Variants in COPB1 observed in about 807,000 individuals in gnomAD.
COPB1 encodes the protein coat protein complex I subunit beta 1, also known as coatomer subunit beta.
A neutral mutation model predicts 108.7 loss-of-function variants in COPB1; 21 were observed. The ratio of observed to expected loss-of-function variants is 0.19; its 90% CI spans 0.14 to 0.28. The LOEUF is 0.28. Among genes scored for constraint, COPB1 ranks in the 10% least tolerant of loss-of-function variants. COPB1 has a pLI of 1.00. For missense variants in COPB1, 919 were observed against 1,141.3 expected, an observed-to-expected ratio of 0.81 and a Z score of 2.81; for synonymous variants, 378 against 386.8, an observed-to-expected ratio of 0.98 and a Z score of 0.27.
At position 14,494,387 on chromosome 11, in the gene COPB1, CATA is replaced by C. The variant is rs1212075157; in HGVS notation, c.141_143del (p.Ile47del). 7 of 1,611,858 alleles carry C rather than the reference CATA, an allele frequency of 4.3e-6. No homozygotes were observed. Among genetic ancestry groups the C allele is most frequent in the South Asian group, 2.2e-5 (2 of 90,848 alleles). Reference sequence around the variant, plus strand: ...CAGGAAGTTTTTCACCATTCAGAATCATAATGATTACTTTCTTCAAAGCTTCAG... The same window carrying C: ...CAGGAAGTTTTTCACCATTCAGAATCATGATTACTTTCTTCAAAGCTTCAG... On this transcript the variant is annotated inframe_deletion, in exon 3 of 22. Coordinates refer to ENST00000439561, the MANE Select transcript of COPB1 (RefSeq NM_001144061.2).
At chr11:14,494,020 C>T (rs1850966453) in intron 3 of COPB1, among the ~76,000 whole-genome samples, 190 bp downstream of exon 3, 1 of 152,104 alleles carries the variant, frequency 6.6e-6, no homozygotes, top group Non-Finnish European at 1.5e-5. Context: ...TTAATATATA[C>T]ACATAAAATG....
In COPB1 at chr11:14,468,868, G is replaced by C. The variant is rs1005073161; in HGVS notation, c.1966-8C>G. On this transcript the variant is annotated splice_polypyrimidine_tract_variant and splice_region_variant and intron_variant, in intron 15 of 21. Coordinates refer to ENST00000439561, the MANE Select transcript of COPB1 (RefSeq NM_001144061.2). ...CCTCTTTTCAGATTCTTTCTGTGTT[G>C]AGAATATAACAAAGTCTCTCTTTAA... 5.0e-6 allele frequency: 8 copies of C among 1,610,702 alleles called. No homozygotes were observed. The highest frequency in any genetic ancestry group is 6.8e-6 in the Non-Finnish European group (8 of 1,177,856).
chr11:14,480,278 G>A (rs372541994), intron 10 of COPB1, among the ~76,000 whole-genome samples: 1 of 152,042 alleles, frequency 6.6e-6, no homozygotes, highest in African/African-American at 2.4e-5. Flanking sequence ...AAATGAATTC[G>A]ATCCTCCTAA....
chr11:14,468,969 A>C, intron 15 of COPB1, 109 bp from the exon 16 acceptor site: 1 of 908,270 alleles, frequency 1.1e-6, no homozygotes, highest in Non-Finnish European at 1.7e-6. Context: ...CAACAAAACA[A>C]CAAGAAAACC....
At chr11:14,468,592 T>C (rs965763896) in intron 16 of COPB1, 89 bp downstream of exon 16, 10 of 1,299,488 alleles carry the variant, frequency 7.7e-6, no homozygotes, top group African/African-American at 4.4e-5. Context: ...CTTGACAAAA[T>C]AGTTATCTTT....
intron 17 of COPB1, 63 bp from the exon 18 acceptor site, chr11:14,465,093 AC>A: frequency 2.7e-6 from 4 of 1,466,298 alleles, no homozygotes; most frequent in Admixed American, 2.1e-5. Context: ...ACACACACAC[AC>A]ACACACACAC....
chr11:14,467,918 T>C (rs1241438780), intron 16 of COPB1, among the ~76,000 whole-genome samples: 2 of 152,160 alleles, frequency 1.3e-5, no homozygotes, highest in Non-Finnish European at 2.9e-5. Context: ...CGAGTTATTG[T>C]TTAATGGACA....
chr11:14,483,192 T>A (rs766607386), intron 7 of COPB1, 41 bp from the exon 8 acceptor site: 1 of 1,457,578 alleles, frequency 6.9e-7, no homozygotes, highest in African/African-American at 1.4e-5. Context: ...GTTATTCATC[T>A]ATCATAAAAT....
At position 14,488,594 on chromosome 11, in the gene COPB1, A is replaced by T. The variant is rs555876578; in HGVS notation, c.607-10T>A. On this transcript the variant is annotated splice_polypyrimidine_tract_variant and intron_variant, in intron 5 of 21. Coordinates refer to ENST00000439561, the MANE Select transcript of COPB1 (RefSeq NM_001144061.2). ...AATCCAAAGCTCGATCCTAAAAAAA[A>T]TAAGAATATATTTATCATTCTCCAC... The T allele has an allele frequency of 6.4e-7, 1 of 1,565,624 alleles. No individual in the cohort carries two copies. Among genetic ancestry groups the T allele is most frequent in the Non-Finnish European group, 8.7e-7 (1 of 1,144,328 alleles).
chr11:14,485,613 G>A (rs917279300), intron 7 of COPB1, among the ~76,000 whole-genome samples: 97 of 152,304 alleles, frequency 6.4e-4, no homozygotes, highest in Admixed American at 2.0e-3. Context: ...TTGGGAAGCC[G>A]AGGTTAGCGG....
intron 21 of COPB1, among the ~76,000 whole-genome samples, chr11:14,458,103 G>A (rs1004044645): frequency 4.6e-5 from 5 of 108,314 alleles, no homozygotes; most frequent in Admixed American, 2.6e-4. Flanking sequence ...TTTTTGAGAC[G>A]AAGTCTCATT....
Position 14,499,095 on chromosome 11 carries a change from G to T in COPB1, c.-57-110C>A, listed in dbSNP as rs897435633. On this transcript the variant is annotated intron_variant, in intron 1 of 21. Transcript: ENST00000439561. The stretch of plus-strand genomic sequence containing the variant: ...TAGAAAGGGCAGGTCAATCTATATC[G>T]TGTTCCCATAAAAATAAATTCTAGT... 3.3e-5 allele frequency: 18 copies of T among 544,772 alleles called. No individual in the cohort carries two copies. In the African/African-American group the frequency reaches 3.6e-4, roughly 11 times the overall value. The allele number at this position is 544,772 out of a possible 1,614,324, so 33.7% of individuals were successfully genotyped here. A position where few individuals can be genotyped will look rare whatever the true frequency, so the allele number is the denominator to read the frequency against.
intron 7 of COPB1, 85 bp downstream of exon 7, chr11:14,486,282 A>C (rs1850772312): frequency 6.8e-7 from 1 of 1,459,912 alleles, no homozygotes; most frequent in Non-Finnish European, 9.5e-7. Context: ...ATGTAACCAC[A>C]TAGTGAATTG....
rs1273218011 is a variant in COPB1 at position 14,499,732 on chromosome 11, G to A, written c.-83C>T. On this transcript the variant is annotated 5_prime_UTR_variant, in exon 1 of 22. Transcript: ENST00000439561. ...CACGCCTCTGGGACTGGGGGCTTGT[G>A]GCCCACTACCAGGCTCCGAGGGGCA... 1 of 152,274 alleles carries A rather than the reference G, an allele frequency of 6.6e-6. No homozygotes were observed. Among genetic ancestry groups the A allele is most frequent in the South Asian group, 2.1e-4 (1 of 4,828 alleles). 9.4% of individuals were successfully genotyped at this position (152,274 alleles called of 1,614,324 possible).
At chr11:14,499,067 T>C in intron 1 of COPB1, 82 bp from the exon 2 acceptor site, 1 of 656,146 alleles carries the variant, frequency 1.5e-6, no homozygotes, top group Non-Finnish European at 2.5e-6. Context: ...CCTTTTAAAG[T>C]ATTAGAAAGG....
intron 18 of COPB1, among the ~76,000 whole-genome samples, chr11:14,463,842 T>C (rs1289066558): frequency 6.6e-6 from 1 of 152,176 alleles, no homozygotes; most frequent in Non-Finnish European, 1.5e-5. Context: ...TCTTCAATCA[T>C]TAACCATATC....
At position 14,481,110 on chromosome 11, in the gene COPB1, A is replaced by C; in HGVS notation, c.958-13T>G. ...CCATAACCAGATCCTAAAAAAGAAG[A>C]AAAAATCAAGAATTAACACCAATCT... On this transcript the variant is annotated splice_polypyrimidine_tract_variant and intron_variant, in intron 8 of 21. Transcript: ENST00000439561. 1 of 1,591,900 alleles carries C rather than the reference A, an allele frequency of 6.3e-7. No individual in the cohort carries two copies. Among genetic ancestry groups the C allele is most frequent in the South Asian group, 1.1e-5 (1 of 88,218 alleles).
At chr11:14,472,907 G>C (rs549913808) in intron 14 of COPB1, among the ~76,000 whole-genome samples, 7 of 152,172 alleles carry the variant, frequency 4.6e-5, no homozygotes, top group Non-Finnish European at 8.8e-5. Context: ...GAATCTTGTG[G>C]CTGGTTTTAT....
chr11:14,490,791 G>GT, intron 4 of COPB1, 112 bp from the exon 5 acceptor site: 4 of 588,916 alleles, frequency 6.8e-6, no homozygotes, highest in Non-Finnish European at 1.1e-5. Flanking sequence ...ACATACTTTT[G>GT]CTTTTTTTTT....
Sources: allele counts gnomAD v4.1 joint callset (sites outside exome capture counted in the v4.1 genomes callset), GRCh38; gene constraint gnomAD v4.1.1; transcripts MANE v1.5; gene names NCBI Gene and HGNC (gene_info 2026-07-23, HGNC 2026-07-21).